GNA12: variants seen among roughly 807,000 people sequenced by gnomAD.
The protein encoded by GNA12 is guanine nucleotide-binding protein subunit alpha-12.
A neutral mutation model predicts 26.0 loss-of-function variants in GNA12; 9 were observed. That is an observed-to-expected ratio of 0.35 (90% CI 0.21 to 0.60). The LOEUF is 0.60. GNA12 is among the 20% of genes least tolerant of loss of function. The pLI is 0.78. For missense variants in GNA12, 405 were observed against 525.8 expected, an observed-to-expected ratio of 0.77 and a Z score of 2.25; for synonymous variants, 264 against 219.6, an observed-to-expected ratio of 1.20 and a Z score of -1.79.
chr7:2,802,556 G>A (rs1325230137), intron 1 of GNA12, among the ~76,000 whole-genome samples: 1 of 152,066 alleles, frequency 6.6e-6, no homozygotes, highest in African/African-American at 2.4e-5. Flanking sequence ...AAATACCAAA[G>A]CTACGATAGA....
At chr7:2,735,791 C>T (rs1017640921) in intron 2 of GNA12, among the ~76,000 whole-genome samples, 3 of 152,104 alleles carry the variant, frequency 2.0e-5, no homozygotes, top group South Asian at 2.1e-4. Flanking sequence ...CATGTCAGGG[C>T]GGCCTCATCT....
intron 2 of GNA12, among the ~76,000 whole-genome samples, chr7:2,768,688 A>AC (rs1791872842): frequency 9.4e-6 from 1 of 106,668 alleles, no homozygotes; most frequent in African/African-American, 2.9e-5. Flanking sequence ...AAAACAAAAC[A>AC]AAAAAAAAAA....
chr7:2,764,899 T>C (rs1001469667), intron 2 of GNA12: 44 of 152,248 alleles, frequency 2.9e-4, no homozygotes, highest in African/African-American at 1.1e-3. Flanking sequence ...GCGTTAGTTA[T>C]CCAAAATGCT....
intron 2 of GNA12, among the ~76,000 whole-genome samples, chr7:2,771,631 G>A (rs1489703130): frequency 1.3e-5 from 2 of 152,076 alleles, no homozygotes; most frequent in Non-Finnish European, 2.9e-5. Flanking sequence ...AGGTTACCAG[G>A]TGCTCCCTTT....
chr7:2,789,432 G>GA (rs200267788), intron 2 of GNA12, among the ~76,000 whole-genome samples: 1,904 of 149,576 alleles, frequency 0.013, 31 homozygotes, highest in Middle Eastern at 0.062. Context: ...ACCGCGCCCG[G>GA]CCCCTTCAGG....
At chr7:2,813,983 G>A (rs1020762801) in intron 1 of GNA12, among the ~76,000 whole-genome samples, 3 of 152,168 alleles carry the variant, frequency 2.0e-5, no homozygotes, top group African/African-American at 4.8e-5. Context: ...GCAGAGGGAG[G>A]AGGAGTTCAC....
chr7:2,834,968 T>C (rs776134668), intron 1 of GNA12, among the ~76,000 whole-genome samples: 20 of 151,550 alleles, frequency 1.3e-4, no homozygotes, highest in Non-Finnish European at 2.5e-4. Context: ...TCGCGATGCA[T>C]GACTATACAT....
chr7:2,743,035 G>A (rs1027195102), intron 2 of GNA12, among the ~76,000 whole-genome samples: 2 of 152,110 alleles, frequency 1.3e-5, no homozygotes, highest in Non-Finnish European at 2.9e-5. Context: ...CCATCTTTTT[G>A]GCCAGGAGAA....
At chr7:2,763,191 AACACACACACACACACACACACACAC>A in intron 2 of GNA12, 3 of 221,186 alleles carry the variant, frequency 1.4e-5, no homozygotes, top group Non-Finnish European at 2.3e-5. Flanking sequence ...AAGACACCCC[AACACACACACACACACACACACACAC>A]ACACACACAC....
Position 2,795,015 on chromosome 7 carries a change from G to A in GNA12, c.438C>T (p.Thr146=). 1 of 1,614,212 alleles carries A rather than the reference G, an allele frequency of 6.2e-7. No homozygotes were observed. Among genetic ancestry groups the A allele is most frequent in the South Asian group, 1.1e-5 (1 of 91,082 alleles). The change falls in exon 2 of 4, where the codon ACC becomes ACT. Residue 146 remains threonine, a synonymous_variant. Transcript: ENST00000275364. The stretch of plus-strand genomic sequence containing the variant: ...TCAGGGCCGGGACGTACAGCTGGAA[G>A]GTGGCCGGCTCCACAGGCAGCCCCG... ...NKAGLPVEPA[T]FQLYVPALSA...
intron 1 of GNA12, among the ~76,000 whole-genome samples, chr7:2,810,750 G>A (rs1469028250): frequency 1.3e-5 from 2 of 152,032 alleles, no homozygotes; most frequent in Admixed American, 6.6e-5. Context: ...AAATTAGGTG[G>A]GTATGAGCAT....
intron 2 of GNA12, among the ~76,000 whole-genome samples, chr7:2,790,398 G>A (rs376067948): frequency 2.0e-5 from 3 of 152,220 alleles, no homozygotes; most frequent in East Asian, 1.9e-4. Flanking sequence ...CTACAGGCGC[G>A]CAACACCTTG....
At chr7:2,759,907 C>T (rs1036584588) in intron 2 of GNA12, among the ~76,000 whole-genome samples, 10 of 152,214 alleles carry the variant, frequency 6.6e-5, no homozygotes, top group South Asian at 4.1e-4. Context: ...TGAAAAGCTC[C>T]GCTCCCTGCT....
chr7:2,797,301 C>T (rs1001779464), intron 1 of GNA12, among the ~76,000 whole-genome samples: 7 of 152,118 alleles, frequency 4.6e-5, no homozygotes, highest in Non-Finnish European at 5.9e-5. Flanking sequence ...TGCCTCGTTA[C>T]GCCCGGCTAA....
intron 1 of GNA12, chr7:2,814,317 AC>A: frequency 6.5e-7 from 1 of 1,543,840 alleles, no homozygotes; most frequent in Non-Finnish European, 9.0e-7. Flanking sequence ...CTCACCCTGG[AC>A]CCAGGGTGTG....
At chr7:2,843,691 TC>T (rs1415109690) in intron 1 of GNA12, among the ~76,000 whole-genome samples, 161 bp downstream of exon 1, 6 of 135,520 alleles carry the variant, frequency 4.4e-5, no homozygotes, top group Non-Finnish European at 7.8e-5. Context: ...CCAGCAGGCC[TC>T]GGGGAATGGG....
chr7:2,811,348 G>A (rs774659941), intron 1 of GNA12, among the ~76,000 whole-genome samples: 1 of 152,160 alleles, frequency 6.6e-6, no homozygotes, highest in Non-Finnish European at 1.5e-5. Context: ...TGATGACACC[G>A]CGGCTCACAC....
intron 1 of GNA12, among the ~76,000 whole-genome samples, chr7:2,798,208 A>G (rs1227545375): frequency 2.0e-5 from 3 of 152,240 alleles, no homozygotes; most frequent in Non-Finnish European, 4.4e-5. Context: ...GAAAACAAAT[A>G]GATTAGACAC....
intron 2 of GNA12, among the ~76,000 whole-genome samples, chr7:2,736,050 G>T (rs149678719): frequency 6.6e-6 from 1 of 152,196 alleles, no homozygotes; most frequent in South Asian, 2.1e-4. Context: ...CGGGACGATC[G>T]TTTGCGACGG....
Sources: gnomAD v4.1 joint callset for allele counts (sites outside exome capture counted in the v4.1 genomes callset) on GRCh38, gnomAD v4.1.1 for gene constraint, MANE v1.5 for transcripts, NCBI Gene and HGNC (gene_info 2026-07-23, HGNC 2026-07-21) for gene names.